WTAP: variants seen among roughly 807,000 people sequenced by gnomAD.
WTAP encodes the protein pre-mRNA-splicing regulator WTAP.
WTAP carries 8 observed loss-of-function variants against 50.0 expected under a neutral mutation model. The ratio of observed to expected loss-of-function variants is 0.16; its 90% CI spans 0.09 to 0.29. The LOEUF is 0.29. WTAP is among the 10% of genes least tolerant of loss of function. The pLI is 1.00. For missense variants in WTAP, 295 were observed against 470.7 expected (o/e 0.63, Z 3.45); for synonymous variants, 194 against 169.0 (o/e 1.15, Z -1.15).
intron 1 of WTAP, among the ~76,000 whole-genome samples, chr6:159,728,935 GTAA>G (rs1425945487): frequency 1.3e-5 from 2 of 152,208 alleles, no homozygotes; most frequent in African/African-American, 4.8e-5. Context: ...AAGGATAAAA[GTAA>G]TAATAATAGT....
At position 159,748,040 on chromosome 6, in the gene WTAP, G is replaced by A. The variant is rs1779680558; in HGVS notation, c.274-151G>A. ...TTTTAGTCTGTACTTTTTCTAGAAA[G>A]TTTTAAGATTTTTCTAGAGAATTTC... On this transcript the variant is annotated intron_variant, in intron 5 of 7. Coordinates refer to ENST00000621533, the MANE Select transcript of WTAP (RefSeq NM_001270531.2). The surrounding 1 kb of genome is among the most constrained non-coding windows in gnomAD (Gnocchi z 5.6). 3.9e-6 allele frequency: 4 copies of A among 1,027,010 alleles called. No individual in the cohort carries two copies. The highest frequency in any genetic ancestry group is 5.6e-6 in the Non-Finnish European group (4 of 716,102). The allele number at this position is 1,027,010 out of a possible 1,614,324, so 63.6% of individuals were successfully genotyped here. A position where few individuals can be genotyped will look rare whatever the true frequency, so the allele number is the denominator to read the frequency against.
Position 159,748,752 on chromosome 6 carries a change from A to G in WTAP, c.452+383A>G, listed in dbSNP as rs1779710324. 2 of 1,235,956 alleles carry G rather than the reference A, an allele frequency of 1.6e-6. No homozygotes were observed. Among genetic ancestry groups the G allele is most frequent in the Non-Finnish European group, 2.0e-6 (2 of 990,372 alleles). 76.6% of individuals were successfully genotyped at this position (1,235,956 alleles called of 1,614,324 possible). ...CTGTGTCTTCAGACAGTTTGAAGGA[A>G]TGAAAACCTAGAGATTTTAAATCAT... On this transcript the variant is annotated intron_variant, in intron 6 of 7. Coordinates refer to ENST00000621533, the MANE Select transcript of WTAP (RefSeq NM_001270531.2). This position sits in a 1 kb window ranked among gnomAD's most constrained non-coding sequence, Gnocchi z 5.6.
chr6:159,728,380 A>T (rs1181209445), intron 1 of WTAP, among the ~76,000 whole-genome samples: 2 of 152,202 alleles, frequency 1.3e-5, no homozygotes, highest in Non-Finnish European at 2.9e-5. Flanking sequence ...TTAGCTTAAC[A>T]TTATCAAGGA....
At chr6:159,739,703 A>G (rs1461183517) in intron 3 of WTAP, among the ~76,000 whole-genome samples, 1 of 152,152 alleles carries the variant, frequency 6.6e-6, no homozygotes, top group East Asian at 1.9e-4. Flanking sequence ...ACAGGCTGAA[A>G]GCGGAGGAGA....
intron 1 of WTAP, among the ~76,000 whole-genome samples, chr6:159,734,530 G>T (rs1470405373): frequency 6.6e-6 from 1 of 152,028 alleles, no homozygotes; most frequent in Non-Finnish European, 1.5e-5. Context: ...TAATAACTAG[G>T]GCTGGGCGTG....
chr6:159,755,760 C>CTTTTTTTTTTTTTTTTTTTTTTTTTTTT lies in WTAP; in HGVS notation c.*153_*154insTTTTTTTTTTTTTTTTTTTTTTTTTTTT, dbSNP rs1779984995. 1.1e-5 allele frequency: 3 copies of CTTTTTTTTTTTTTTTTTTTTTTTTTTTT among 283,704 alleles called. No homozygotes were observed. Among genetic ancestry groups the CTTTTTTTTTTTTTTTTTTTTTTTTTTTT allele is most frequent in the African/African-American group, 1.0e-4 (2 of 19,976 alleles). 17.6% of individuals were successfully genotyped at this position (283,704 alleles called of 1,614,324 possible). On this transcript the variant is annotated 3_prime_UTR_variant, in exon 8 of 8. Transcript: ENST00000621533. ...TGTTTTTTTTCTTTGTTTTTTTTTTCTTTTCTTTTTTTTTTTTTTTTTTTT... is the reference window on the plus strand; with the variant it reads ...TGTTTTTTTTCTTTGTTTTTTTTTTCTTTTTTTTTTTTTTTTTTTTTTTTTTTTTTTTCTTTTTTTTTTTTTTTTTTTT...
intron 7 of WTAP, among the ~76,000 whole-genome samples, chr6:159,753,834 T>C (rs1411323067): frequency 6.6e-6 from 1 of 152,206 alleles, no homozygotes; most frequent in Non-Finnish European, 1.5e-5. Context: ...TGTTCAAAAT[T>C]TCTTACATTT....
Position 159,748,174 on chromosome 6 carries a change from T to C in WTAP, c.274-17T>C. The C allele has an allele frequency of 6.2e-7, 1 of 1,607,604 alleles. No individual in the cohort carries two copies. The highest frequency in any genetic ancestry group is 8.5e-7 in the Non-Finnish European group (1 of 1,175,588). On this transcript the variant is annotated splice_polypyrimidine_tract_variant and intron_variant, in intron 5 of 7. Transcript: ENST00000621533. The surrounding 1 kb of genome is among the most constrained non-coding windows in gnomAD (Gnocchi z 5.6). ...TTCCTTTGATTTGGTCGTAATTGTTTCTTTTGCTTTGCACAGACTCAAATC... is the reference window on the plus strand; with the variant it reads ...TTCCTTTGATTTGGTCGTAATTGTTCCTTTTGCTTTGCACAGACTCAAATC...
chr6:159,746,315 G>T (rs988764574), intron 5 of WTAP, among the ~76,000 whole-genome samples: 1 of 152,196 alleles, frequency 6.6e-6, no homozygotes, highest in Non-Finnish European at 1.5e-5. Context: ...TGGTTGAAAG[G>T]ATTGGCCCTG....
chr6:159,752,258 AC>A (rs758492275), intron 6 of WTAP, among the ~76,000 whole-genome samples: 32 of 152,222 alleles, frequency 2.1e-4, no homozygotes, highest in Non-Finnish European at 2.5e-4. Flanking sequence ...TCCTGGACTT[AC>A]CCCAAGGACA....
intron 4 of WTAP, 22 bp from the exon 5 acceptor site, chr6:159,743,643 T>C (rs746438148): frequency 4.4e-6 from 7 of 1,575,386 alleles, no homozygotes; most frequent in African/African-American, 4.1e-5. Flanking sequence ...ATTGTATTTA[T>C]AATTTTTTTT....
At chr6:159,754,536 TCCATG>T (rs1339314632) in intron 7 of WTAP, among the ~76,000 whole-genome samples, 1 of 151,992 alleles carries the variant, frequency 6.6e-6, no homozygotes, top group African/African-American at 2.4e-5. Flanking sequence ...GCCCTCGGTA[TCCATG>T]GTGGATTGGT....
At chr6:159,734,837 TGTC>T (rs1314012200) in intron 1 of WTAP, among the ~76,000 whole-genome samples, 6 of 152,232 alleles carry the variant, frequency 3.9e-5, no homozygotes, top group African/African-American at 1.4e-4. Context: ...TAGCTCTTCA[TGTC>T]GTATACTTTT....
intron 1 of WTAP, 79 bp from the exon 2 acceptor site, chr6:159,736,179 G>T: frequency 1.5e-6 from 2 of 1,356,690 alleles, no homozygotes; most frequent in Non-Finnish European, 2.1e-6. Context: ...AAATTGATTT[G>T]AAAGAGTCAG....
intron 1 of WTAP, among the ~76,000 whole-genome samples, chr6:159,736,024 T>C (rs1778890933): frequency 6.6e-6 from 1 of 152,164 alleles, no homozygotes; most frequent in Non-Finnish European, 1.5e-5. Context: ...ATAACTCTAA[T>C]GATGGAAGAT....
At chr6:159,740,158 TC>T (rs910316124) in intron 3 of WTAP, among the ~76,000 whole-genome samples, 1 of 151,990 alleles carries the variant, frequency 6.6e-6, no homozygotes, top group Admixed American at 6.6e-5. Flanking sequence ...ATTTTTTTTT[TC>T]CCTGTCTCTG....
chr6:159,728,143 TTAC>T (rs1349121101), intron 1 of WTAP, among the ~76,000 whole-genome samples: 19 of 152,372 alleles, frequency 1.2e-4, no homozygotes, highest in African/African-American at 4.6e-4. Flanking sequence ...CAGTAGGATG[TTAC>T]TACGTTCTCT....
intron 3 of WTAP, among the ~76,000 whole-genome samples, chr6:159,739,387 TTTC>T (rs1440565473): frequency 1.3e-5 from 2 of 152,176 alleles, no homozygotes; most frequent in African/African-American, 4.8e-5. Context: ...GAGGTTACTT[TTTC>T]TTATTAGTGT....
chr6:159,734,636 C>T (rs906912332), intron 1 of WTAP, among the ~76,000 whole-genome samples: 1 of 151,932 alleles, frequency 6.6e-6, no homozygotes, highest in African/African-American at 2.4e-5. Flanking sequence ...TATGGTGGGT[C>T]CCCATCTCTT....
Sources: gnomAD v4.1 joint callset for allele counts (sites outside exome capture counted in the v4.1 genomes callset) on GRCh38, gnomAD v4.1.1 for gene constraint, Gnocchi (gnomAD v3.1) non-coding constraint, MANE v1.5 for transcripts, NCBI Gene and HGNC (gene_info 2026-07-23, HGNC 2026-07-21) for gene names.